The following IL1RAPL2 variants were observed in gnomAD, a reference collection of about 807,000 sequenced individuals.
The protein encoded by IL1RAPL2 is X-linked interleukin-1 receptor accessory protein-like 2.
A neutral mutation model predicts 44.1 loss-of-function variants in IL1RAPL2; 3 were observed. That is an observed-to-expected ratio of 0.07 (90% CI 0.03 to 0.18). The LOEUF is 0.18. IL1RAPL2 is among the 10% of genes least tolerant of loss of function. IL1RAPL2 has a pLI of 1.00. For missense variants in IL1RAPL2, 391 were observed against 496.4 expected (o/e 0.79, Z 2.02); for synonymous variants, 181 against 178.8 (o/e 1.01, Z -0.10).
chrX:105,477,787 C>T (rs5916914), intron 5 of IL1RAPL2, among the ~76,000 whole-genome samples: 1,272 of 111,596 alleles, frequency 0.011, 11 homozygotes, highest in Non-Finnish European at 0.019. Context: ...TGCGCACTTT[C>T]GGACAAAGAG....
At chrX:105,313,852 G>A (rs1325603431) in intron 5 of IL1RAPL2, among the ~76,000 whole-genome samples, 2 of 110,861 alleles carry the variant, frequency 1.8e-5, no homozygotes, top group African/African-American at 6.6e-5. Context: ...TGGAGGGGTG[G>A]GGAAACACAG....
intron 6 of IL1RAPL2, among the ~76,000 whole-genome samples, chrX:105,588,542 C>T (rs1029656570): frequency 1.0e-5 from 1 of 99,549 alleles, no homozygotes; most frequent in African/African-American, 4.1e-5. Context: ...TCCTCCTCCC[C>T]AACCTGCACC....
intron 6 of IL1RAPL2, among the ~76,000 whole-genome samples, chrX:105,706,937 ACTG>A (rs1397836721): frequency 1.8e-5 from 2 of 111,584 alleles, no homozygotes; most frequent in African/African-American, 6.5e-5. Context: ...ATGGCATATA[ACTG>A]CTACACTCTC....
At chrX:105,749,229 T>C in intron 9 of IL1RAPL2, 126 bp downstream of exon 9, 2 of 581,382 alleles carry the variant, frequency 3.4e-6, no homozygotes, top group Non-Finnish European at 5.2e-6. Flanking sequence ...GGCAAGTTAC[T>C]TACCTTTAAA....
At chrX:104,840,776 G>A (rs917516029) in intron 2 of IL1RAPL2, among the ~76,000 whole-genome samples, 1 of 110,042 alleles carries the variant, frequency 9.1e-6, no homozygotes, top group Admixed American at 9.7e-5. Flanking sequence ...CTGGGTTCAA[G>A]CGATTTTCCT....
intron 5 of IL1RAPL2, among the ~76,000 whole-genome samples, chrX:105,351,348 A>G (rs1259432037): frequency 3.6e-5 from 4 of 111,899 alleles, no homozygotes; most frequent in Non-Finnish European, 5.6e-5. Flanking sequence ...TTATTGTGAC[A>G]CTATTCACAA....
At chrX:104,623,047 G>A (rs1929429562) in intron 1 of IL1RAPL2, among the ~76,000 whole-genome samples, 1 of 110,558 alleles carries the variant, frequency 9.0e-6, no homozygotes, top group South Asian at 3.8e-4. Flanking sequence ...TGAAACTGAA[G>A]CATTTTTTTT....
At chrX:104,651,671 T>C (rs1930155369) in intron 1 of IL1RAPL2, among the ~76,000 whole-genome samples, 1 of 111,387 alleles carries the variant, frequency 9.0e-6, no homozygotes, top group South Asian at 3.8e-4. Flanking sequence ...TAAGTGAATA[T>C]ATATAGCAGG....
intron 5 of IL1RAPL2, among the ~76,000 whole-genome samples, chrX:105,398,105 G>T (rs1830297753): frequency 9.0e-6 from 1 of 111,079 alleles, no homozygotes; most frequent in Admixed American, 9.6e-5. Flanking sequence ...TTGGATTTGA[G>T]GGTTGTTTTC....
chrX:104,735,154 C>A (rs1011902578), intron 2 of IL1RAPL2, among the ~76,000 whole-genome samples: 1 of 111,418 alleles, frequency 9.0e-6, no homozygotes, highest in Non-Finnish European at 1.9e-5. Context: ...GGGGCTTCAG[C>A]TGACATAAAT....
chrX:105,482,860 G>A (rs1300131580), intron 5 of IL1RAPL2, among the ~76,000 whole-genome samples: 3 of 110,278 alleles, frequency 2.7e-5, no homozygotes, highest in African/African-American at 9.9e-5. Context: ...TAGTAGGTAA[G>A]AGTTCAGTTG....
At chrX:105,189,523 A>AG (rs2033617434) in intron 2 of IL1RAPL2, among the ~76,000 whole-genome samples, 1 of 112,212 alleles carries the variant, frequency 8.9e-6, no homozygotes, top group Non-Finnish European at 1.9e-5. Context: ...GAGCCACCGC[A>AG]CAGGCTCACA....
At chrX:105,173,073 G>T (rs1410491480) in intron 2 of IL1RAPL2, among the ~76,000 whole-genome samples, 3 of 111,074 alleles carry the variant, frequency 2.7e-5, no homozygotes, top group Non-Finnish European at 5.7e-5. Flanking sequence ...ATGACTAGGG[G>T]TGAGGACAGA....
intron 1 of IL1RAPL2, among the ~76,000 whole-genome samples, chrX:104,573,811 A>T (rs1474596142): frequency 8.9e-6 from 1 of 112,106 alleles, no homozygotes; most frequent in Non-Finnish European, 1.9e-5. Flanking sequence ...AATCTTAAGT[A>T]TATTATGGAT....
chrX:105,476,916 T>C lies in IL1RAPL2; in HGVS notation c.698-7397T>C, dbSNP rs989569890. ...TTGTTGGCTAACATCAATGTGAAGATAGTAAGTCAAGAAAGGGGCCCTGGT... is the reference window on the plus strand; with the variant it reads ...TTGTTGGCTAACATCAATGTGAAGACAGTAAGTCAAGAAAGGGGCCCTGGT... On this transcript the variant is annotated intron_variant, in intron 5 of 10. Transcript: ENST00000372582. Among the ~76,000 whole-genome samples, 7 of 112,045 alleles carry C rather than the reference T, an allele frequency of 6.2e-5. No homozygotes were observed. In the East Asian group the frequency reaches 8.4e-4, roughly 14 times the overall value.
At chrX:104,648,182 G>A (rs749582061) in intron 1 of IL1RAPL2, among the ~76,000 whole-genome samples, 30 of 110,777 alleles carry the variant, frequency 2.7e-4, no homozygotes, top group Admixed American at 2.3e-3. Flanking sequence ...CATATATCTT[G>A]TAGATCTACC....
chrX:104,827,811 G>T (rs1411785444), intron 2 of IL1RAPL2, among the ~76,000 whole-genome samples: 1 of 111,534 alleles, frequency 9.0e-6, no homozygotes, highest in Non-Finnish European at 1.9e-5. Flanking sequence ...TTTGTTGGAG[G>T]CTTTGTTCAT....
chrX:105,308,401 C>G (rs771370037), intron 5 of IL1RAPL2, among the ~76,000 whole-genome samples: 2 of 111,838 alleles, frequency 1.8e-5, no homozygotes, highest in African/African-American at 6.5e-5. Context: ...CTTAAGTATA[C>G]GACTCAATGA....
At chrX:104,716,365 C>T (rs1004371077) in intron 2 of IL1RAPL2, among the ~76,000 whole-genome samples, 3 of 110,667 alleles carry the variant, frequency 2.7e-5, no homozygotes, top group African/African-American at 9.8e-5. Context: ...AACATAGATA[C>T]GGACAAGGAT....
Sources: gnomAD v4.1 joint callset for allele counts (sites outside exome capture counted in the v4.1 genomes callset) on GRCh38, gnomAD v4.1.1 for gene constraint, MANE v1.5 for transcripts, NCBI Gene and HGNC (gene_info 2026-07-23, HGNC 2026-07-21) for gene names.